PML: variants seen among roughly 807,000 people sequenced by gnomAD.
PML encodes PML nuclear body scaffold, also known as protein PML.
In PML, 28 loss-of-function variants were observed where a neutral mutation model predicts 65.2. The observed-to-expected ratio is 0.43, with a 90% CI of 0.32 to 0.59. PML has a LOEUF of 0.59. PML is among the 20% of genes least tolerant of loss of function. The pLI, the probability that PML is intolerant of heterozygous loss-of-function variation, is 0.08. For synonymous variants in PML, 500 were observed against 508.8 expected, an observed-to-expected ratio of 0.98 and a Z score of 0.23; for missense variants, 1,021 against 1,203.4, an observed-to-expected ratio of 0.85 and a Z score of 2.24.
At chr15:74,024,479 A>G (rs1464390318) in intron 3 of PML, among the ~76,000 whole-genome samples, 1 of 152,250 alleles carries the variant, frequency 6.6e-6, no homozygotes, top group Non-Finnish European at 1.5e-5. Context: ...AATAAAAACC[A>G]GGCTGCAGAT....
chr15:74,042,451 A>C lies in PML; in HGVS notation c.1711-538A>C. 1.0e-6 allele frequency: 1 copy of C among 985,444 alleles called. No homozygotes were observed. The highest frequency in any genetic ancestry group is 1.2e-6 in the Non-Finnish European group (1 of 829,924). The allele number at this position is 985,444 out of a possible 1,614,324, so 61.0% of individuals were successfully genotyped here. On this transcript the variant is annotated intron_variant, in intron 7 of 8. Coordinates refer to ENST00000268058, the MANE Select transcript of PML (RefSeq NM_033238.3). This position sits in a 1 kb window ranked among gnomAD's most constrained non-coding sequence, Gnocchi z 5.3. ...CTTCCAAAGAATCATCTGGGGTTCAAGATGAGGCTTCTTTCTCCCGTCCCA... is the reference window on the plus strand; with the variant it reads ...CTTCCAAAGAATCATCTGGGGTTCACGATGAGGCTTCTTTCTCCCGTCCCA...
At chr15:74,032,818 T>A in intron 5 of PML, 103 bp downstream of exon 5, 2 of 1,234,324 alleles carry the variant, frequency 1.6e-6, no homozygotes, top group Non-Finnish European at 2.4e-6. Context: ...TCAGATCAGC[T>A]CTTTGTGGGA....
Position 73,998,141 on chromosome 15 carries a change from C to T in PML, c.267C>T (p.Pro89=). The change falls in exon 2 of 9, where the codon CCC becomes CCT. Residue 89 remains proline (P), a synonymous_variant. Coordinates refer to ENST00000268058, the MANE Select transcript of PML (RefSeq NM_033238.3). The part of the protein sequence containing the change: ...GCLEASGMQC[P]ICQAPWPLGA... ...TGGAGGCGTCGGGCATGCAGTGCCC[C>T]ATCTGCCAGGCGCCCTGGCCCCTAG... The T allele has an allele frequency of 6.2e-7, 1 of 1,614,156 alleles. No individual in the cohort carries two copies. Among genetic ancestry groups the T allele is most frequent in the Non-Finnish European group, 8.5e-7 (1 of 1,180,024 alleles).
intron 2 of PML, among the ~76,000 whole-genome samples, chr15:74,022,106 C>A (rs186162838): frequency 4.6e-5 from 7 of 152,102 alleles, no homozygotes; most frequent in African/African-American, 7.2e-5. Context: ...TACAGGCATG[C>A]GGCAACACAC....
chr15:74,007,330 A>T (rs905154012), intron 2 of PML, among the ~76,000 whole-genome samples: 3 of 152,156 alleles, frequency 2.0e-5, no homozygotes, highest in Non-Finnish European at 2.9e-5. Context: ...TTGGAGTGGC[A>T]TATTTTTATC....
In PML at chr15:74,023,416, C is replaced by G. The variant is rs761704732; in HGVS notation, c.1183+8C>G. 4.9e-5 allele frequency: 78 copies of G among 1,593,970 alleles called. No individual in the cohort carries two copies. The highest frequency in any genetic ancestry group is 6.5e-5 in the Non-Finnish European group (76 of 1,176,588). The stretch of plus-strand genomic sequence containing the variant: ...GCATCACCCAGGGGAAAGGTAAGCA[C>G]GCACGCCACCTTCCTGGGCGGCCTG... On this transcript the variant is annotated splice_region_variant and intron_variant, in intron 3 of 8. Coordinates refer to ENST00000268058, the MANE Select transcript of PML (RefSeq NM_033238.3).
rs2071772052 is a variant in PML at position 74,046,454 on chromosome 15, T to A, written c.*1446T>A. On this transcript the variant is annotated 3_prime_UTR_variant, in exon 9 of 9. Transcript: ENST00000268058. ...AGCTTTCACACTGGTGAAGTCTGTG[T>A]ACCCATACTGCAGCCCCATCCCATG... 1 of 232,580 alleles carries A rather than the reference T, an allele frequency of 4.3e-6. No homozygotes were observed. Among genetic ancestry groups the A allele is most frequent in the African/African-American group, 2.2e-5 (1 of 45,328 alleles). 14.4% of individuals were successfully genotyped at this position (232,580 alleles called of 1,614,324 possible).
chr15:74,042,868 A>G lies in PML; in HGVS notation c.1711-121A>G, dbSNP rs1257092678. On this transcript the variant is annotated intron_variant, in intron 7 of 8. Coordinates refer to ENST00000268058, the MANE Select transcript of PML (RefSeq NM_033238.3). The surrounding 1 kb of genome is among the most constrained non-coding windows in gnomAD (Gnocchi z 5.3). ...CTCTTGTGCACACGTCCCCTTTCCCAGTGGTACACCCTCCTTCATGTGCAC... is the reference window on the plus strand; with the variant it reads ...CTCTTGTGCACACGTCCCCTTTCCCGGTGGTACACCCTCCTTCATGTGCAC... 38 of 1,586,554 alleles carry G rather than the reference A, an allele frequency of 2.4e-5. No homozygotes were observed. Among genetic ancestry groups the G allele is most frequent in the Non-Finnish European group, 3.1e-5 (36 of 1,171,860 alleles).
At chr15:74,006,832 G>T (rs1358256998) in intron 2 of PML, among the ~76,000 whole-genome samples, 1 of 152,142 alleles carries the variant, frequency 6.6e-6, no homozygotes, top group African/African-American at 2.4e-5. Context: ...GGCAAGAGGG[G>T]AGCAAGAGAG....
Position 74,045,068 on chromosome 15 carries a change from C to T in PML, c.*60C>T. 1 of 1,431,532 alleles carries T rather than the reference C, an allele frequency of 7.0e-7. No individual in the cohort carries two copies. The highest frequency in any genetic ancestry group is 9.4e-7 in the Non-Finnish European group (1 of 1,060,098). 88.7% of individuals were successfully genotyped at this position (1,431,532 alleles called of 1,614,324 possible). The stretch of plus-strand genomic sequence containing the variant: ...GCAGAGAGGGATGGGGTCCCTGAGC[C>T]AGGCCCCACCCATCACAGCATTCCC... On this transcript the variant is annotated 3_prime_UTR_variant, in exon 9 of 9. Transcript: ENST00000268058.
chr15:74,035,314 A>C lies in PML; in HGVS notation c.1710+784A>C, dbSNP rs2141879887. The C allele has an allele frequency of 6.2e-7, 1 of 1,610,388 alleles. No homozygotes were observed. On this transcript the variant is annotated intron_variant, in intron 7 of 8. Coordinates refer to ENST00000268058, the MANE Select transcript of PML (RefSeq NM_033238.3). This position sits in a 1 kb window ranked among gnomAD's most constrained non-coding sequence, Gnocchi z 4.1. ...TCCAGCCTGCCCTGTGGCACATACC[A>C]CCCCCCAGCTTGGCCTCCCCACCAG... is the stretch of plus-strand genomic sequence containing the variant.
intron 4 of PML, chr15:74,031,229 A>T (rs1309753098): frequency 4.5e-6 from 2 of 442,468 alleles, no homozygotes; most frequent in East Asian, 1.4e-4. Flanking sequence ...AAATAGGATC[A>T]TACAATGTGT....
rs1315896643 is a variant in PML at position 74,043,794 on chromosome 15, GCTTT to G, written c.1862-424_1862-421del. 2 of 534,584 alleles carry G rather than the reference GCTTT, an allele frequency of 3.7e-6. No homozygotes were observed. The highest frequency in any genetic ancestry group is 7.4e-6 in the Non-Finnish European group (2 of 271,124). The allele number at this position is 534,584 out of a possible 1,614,324, so 33.1% of individuals were successfully genotyped here. On this transcript the variant is annotated intron_variant, in intron 8 of 8. Transcript: ENST00000268058. This position sits in a 1 kb window ranked among gnomAD's most constrained non-coding sequence, Gnocchi z 4.3. ...CTCTTGGCCTTGCTCTGAGTGGAGT[GCTTT>G]CTATGTCCCAGGGCTCTGACTGGGC...
Position 74,035,461 on chromosome 15 carries a change from G to T in PML, c.1710+931G>T. 6.2e-7 allele frequency: 1 copy of T among 1,612,310 alleles called. No individual in the cohort carries two copies. The stretch of plus-strand genomic sequence containing the variant: ...TTGTACAGAGCACAGAGAGCCATCC[G>T]CCTTCGCCATGCCCTCCGCTTGCAC... On this transcript the variant is annotated intron_variant, in intron 7 of 8. Coordinates refer to ENST00000268058, the MANE Select transcript of PML (RefSeq NM_033238.3). This position sits in a 1 kb window ranked among gnomAD's most constrained non-coding sequence, Gnocchi z 4.1.
At chr15:74,009,804 C>T (rs918985745) in intron 2 of PML, among the ~76,000 whole-genome samples, 2 of 152,098 alleles carry the variant, frequency 1.3e-5, no homozygotes, top group South Asian at 2.1e-4. Flanking sequence ...CCACCCACCT[C>T]GGCTTCTCAA....
At chr15:74,033,661 C>G (rs1405776347) in intron 6 of PML, 1 of 667,986 alleles carries the variant, frequency 1.5e-6, no homozygotes, top group Non-Finnish European at 2.8e-6. Flanking sequence ...TGAGTCCTTT[C>G]TCCCAAACAC....
intron 2 of PML, among the ~76,000 whole-genome samples, chr15:74,017,172 A>C (rs1412475642): frequency 6.6e-6 from 1 of 152,190 alleles, no homozygotes; most frequent in African/African-American, 2.4e-5. Flanking sequence ...TGGTGAGAGT[A>C]AATAGTCCAC....
chr15:74,015,581 C>T (rs1055432041), intron 2 of PML, among the ~76,000 whole-genome samples: 1 of 152,210 alleles, frequency 6.6e-6, no homozygotes, highest in Non-Finnish European at 1.5e-5. Context: ...TCCCCTGGCC[C>T]AACCAACAGG....
In PML at chr15:74,044,556, T is replaced by TA. The variant is rs2071750149; in HGVS notation, c.2198dup (p.Tyr733Ter). 3.1e-6 allele frequency: 5 copies of TA among 1,613,000 alleles called. No homozygotes were observed. ...CAAACTCAAGAACCTGGCCCAGACC[T>TA]ACCTGGCGAGAAACATGAGCGAGCG... ...SFKLKNLAQTYLARNMSERSA... is the reference protein window; with the variant it reads ...SFKLKNLAQT The change falls in exon 9 of 9, where the codon TAC (tyrosine) becomes TAAC (stop). Residue 733 changes from tyrosine to a stop codon, truncating the protein, a stop_gained and frameshift_variant. Coordinates refer to ENST00000268058, the MANE Select transcript of PML (RefSeq NM_033238.3). LOFTEE classifies it low-confidence loss of function (END_TRUNC).
Sources: allele counts gnomAD v4.1 joint callset (sites outside exome capture counted in the v4.1 genomes callset), GRCh38; gene constraint gnomAD v4.1.1; non-coding constraint Gnocchi (gnomAD v3.1); transcripts MANE v1.5; gene names NCBI Gene and HGNC (gene_info 2026-07-23, HGNC 2026-07-21).